The following ZNF701 variants were observed in gnomAD, a reference collection of about 807,000 sequenced individuals.
ZNF701 encodes zinc finger protein 701.
ZNF701 carries 6 observed loss-of-function variants against 7.1 expected under a neutral mutation model. That is an observed-to-expected ratio of 0.84 (90% confidence interval 0.46 to 1.66). The LOEUF is 1.66. ZNF701 is among the 40% of genes most tolerant of loss of function. ZNF701 has a pLI of 0.01. For synonymous variants in ZNF701, 166 were observed against 188.2 expected (o/e 0.88, Z 0.97); for missense variants, 541 against 559.2 (o/e 0.97, Z 0.33).
chr19:52,591,045 G>A (rs1368911820), downstream of ZNF701, among the ~76,000 whole-genome samples: 1 of 151,934 alleles, frequency 6.6e-6, no homozygotes, highest in Non-Finnish European at 1.5e-5. Flanking sequence ...TTACCATGTT[G>A]GCCAGGATGC....
At chr19:52,577,915 T>C (rs958945302) in intron 3 of ZNF701, among the ~76,000 whole-genome samples, 1 of 152,024 alleles carries the variant, frequency 6.6e-6, no homozygotes, top group Admixed American at 6.6e-5. Context: ...AAGTTCATAG[T>C]AGATAGCGGT....
At chr19:52,588,062 A>G (rs181428034), downstream of ZNF701, among the ~76,000 whole-genome samples, 259 of 152,326 alleles carry the variant, frequency 1.7e-3, no homozygotes, top group Non-Finnish European at 3.0e-3. Flanking sequence ...TTACCCTTGT[A>G]GGTCTTCCTG....
intron 3 of ZNF701, among the ~76,000 whole-genome samples, chr19:52,581,895 C>T (rs368683): frequency 0.27 from 41,497 of 151,966 alleles, 6,749 homozygotes; most frequent in African/African-American, 0.46. Flanking sequence ...AGTGATACGT[C>T]TTTTGCAAAG....
the ZNF701 span, chr19:52,596,974 A>G: frequency 1.2e-6 from 1 of 814,062 alleles, no homozygotes; most frequent in Non-Finnish European, 2.0e-6. Context: ...CTTTTTTATC[A>G]TCAAGCAATC....
At chr19:52,594,514 T>TTG in the ZNF701 span, among the ~76,000 whole-genome samples, 283 of 146,628 alleles carry the variant, frequency 1.9e-3, 3 homozygotes, top group Non-Finnish European at 2.0e-3. Flanking sequence ...TTTTTTTTGT[T>TTG]TTTTGTTTTT....
chr19:52,571,409 G>GAGGAGAC (rs1568499186), intron 1 of ZNF701, among the ~76,000 whole-genome samples: 2 of 152,028 alleles, frequency 1.3e-5, no homozygotes, highest in Admixed American at 6.6e-5. Context: ...CAGGGAGAGC[G>GAGGAGAC]GCAGAGATGC....
Position 52,583,093 on chromosome 19 carries a change from G to A in ZNF701, c.1034G>A (p.Arg345Lys). Residue 345 changes from arginine (R) to lysine (K), a missense_variant, in exon 4 of 4, where the codon AGG (arginine) becomes AAG (lysine). Physicochemically the swap from Arg to Lys is conservative, Grantham distance 26. Transcript: ENST00000391785. ...CGCAAATCACACCTTGAAAGACATA[G>A]GAGAATTCACACTGGAGAGAAACCA... is the stretch of plus-strand genomic sequence containing the variant. The part of the protein sequence containing the change: ...FSRKSHLERH[R>K]RIHTGEKPYK... 1 of 1,613,402 alleles carries A rather than the reference G, an allele frequency of 6.2e-7. No homozygotes were observed. Among genetic ancestry groups the A allele is most frequent in the Admixed American group, 1.7e-5 (1 of 59,934 alleles).
At position 52,579,711 on chromosome 19, in the gene ZNF701, T is replaced by G. The variant is rs1047386706; in HGVS notation, c.143-2491T>G. 6.5e-5 allele frequency among the ~76,000 whole-genome samples: 9 copies of G among 137,760 alleles called. 1 individual carries two copies. The highest frequency in any genetic ancestry group is 3.0e-4 in the African/African-American group (9 of 30,018). 90.4% of individuals were successfully genotyped at this position (137,760 alleles called of 152,430 possible). On this transcript the variant is annotated intron_variant, in intron 3 of 3. Coordinates refer to ENST00000391785, the MANE Select transcript of ZNF701 (RefSeq NM_018260.3). ...TAACATGGTGAAACTTCGTCTCTAG[T>G]AAAATTACAAAAATTATCCAGGCAC...
intron 3 of ZNF701, among the ~76,000 whole-genome samples, chr19:52,581,014 C>T (rs2059971785): frequency 6.6e-6 from 1 of 151,926 alleles, no homozygotes; most frequent in South Asian, 2.1e-4. Flanking sequence ...ATCCCAGCTA[C>T]TCAGGAGGCT....
chr19:52,574,427 A>G (rs1335840851), intron 2 of ZNF701, among the ~76,000 whole-genome samples: 40 of 152,094 alleles, frequency 2.6e-4, no homozygotes, highest in African/African-American at 2.4e-5. Context: ...AGGGTCCCGC[A>G]GTGTCAGTGC....
intron 1 of ZNF701, among the ~76,000 whole-genome samples, chr19:52,571,846 G>T (rs183612297): frequency 1.3e-5 from 2 of 151,284 alleles, no homozygotes; most frequent in Non-Finnish European, 2.9e-5. Flanking sequence ...TTTTTGAGAC[G>T]GAGTTTCGCT....
In ZNF701 at chr19:52,574,115, C is replaced by CGGAAGA. The variant is rs777034349; in HGVS notation, c.-22_-17dup. 1 of 1,611,956 alleles carries CGGAAGA rather than the reference C, an allele frequency of 6.2e-7. No individual in the cohort carries two copies. Among genetic ancestry groups the CGGAAGA allele is most frequent in the Non-Finnish European group, 8.5e-7 (1 of 1,179,296 alleles). On this transcript the variant is annotated 5_prime_UTR_variant, in exon 2 of 4. Coordinates refer to ENST00000391785, the MANE Select transcript of ZNF701 (RefSeq NM_018260.3). ...AGACTTGGTACGTGAGGAAAAAACACGGAAGAGGAAGAGGAAAGCAAAGGA... is the reference window on the plus strand; with the variant it reads ...AGACTTGGTACGTGAGGAAAAAACACGGAAGAGGAAGAGGAAGAGGAAAGCAAAGGA...
chr19:52,590,888 A>G (rs1319070517), downstream of ZNF701, among the ~76,000 whole-genome samples: 2 of 152,140 alleles, frequency 1.3e-5, no homozygotes, highest in African/African-American at 4.8e-5. Flanking sequence ...TCATCAGGCT[A>G]AAGTGCAGTG....
At chr19:52,597,019 G>A in the ZNF701 span, 2 of 1,226,888 alleles carry the variant, frequency 1.6e-6, no homozygotes, top group Admixed American at 3.6e-5. Flanking sequence ...TGTAATGATT[G>A]TCACAAAGTC....
rs1166242185 is a variant in ZNF701 at position 52,583,697 on chromosome 19, G to A, written c.*240G>A. The A allele has an allele frequency of 2.3e-6, 2 of 874,706 alleles. No individual in the cohort carries two copies. Among genetic ancestry groups the A allele is most frequent in the Non-Finnish European group, 3.9e-6 (2 of 516,602 alleles). 54.2% of individuals were successfully genotyped at this position (874,706 alleles called of 1,614,324 possible). Reference sequence around the variant, plus strand: ...AACATACTGGAATTCACACTGGAAAGGAACTGTACAAGTGTAATGAGTGTG... The same window carrying A: ...AACATACTGGAATTCACACTGGAAAAGAACTGTACAAGTGTAATGAGTGTG... On this transcript the variant is annotated 3_prime_UTR_variant, in exon 4 of 4. Transcript: ENST00000391785.
Position 52,584,899 on chromosome 19 carries a change from T to G in ZNF701, c.*1442T>G, listed in dbSNP as rs2059999489. 1 of 152,142 alleles carries G rather than the reference T, an allele frequency of 6.6e-6. No individual in the cohort carries two copies. The highest frequency in any genetic ancestry group is 6.6e-5 in the Admixed American group (1 of 15,260). The allele number at this position is 152,142 out of a possible 1,614,324, so 9.4% of individuals were successfully genotyped here. ...ACCTCCTCGGGGGTCTCCCCGCGGG[T>G]CTGGCTTCTGTACTGTGCTGATTGG... On this transcript the variant is annotated 3_prime_UTR_variant, in exon 4 of 4. Coordinates refer to ENST00000391785, the MANE Select transcript of ZNF701 (RefSeq NM_018260.3).
At chr19:52,579,817 T>C (rs982304635) in intron 3 of ZNF701, among the ~76,000 whole-genome samples, 5 of 140,756 alleles carry the variant, frequency 3.6e-5, no homozygotes, top group Non-Finnish European at 7.4e-5. Context: ...GAGGTTGCAG[T>C]GAGCTGAGAT....
intron 2 of ZNF701, among the ~76,000 whole-genome samples, chr19:52,575,019 T>G (rs149277166): frequency 0.032 from 4,825 of 152,192 alleles, 104 homozygotes; most frequent in Non-Finnish European, 0.049. Context: ...GCCCAGGCTG[T>G]AGTGCAGTGG....
chr19:52,587,620 A>T (rs2060019984), downstream of ZNF701, among the ~76,000 whole-genome samples: 1 of 152,094 alleles, frequency 6.6e-6, no homozygotes, highest in Non-Finnish European at 1.5e-5. Flanking sequence ...TGATTCTTTT[A>T]GCTCCTTCAC....
Sources: gnomAD v4.1 joint callset for allele counts (sites outside exome capture counted in the v4.1 genomes callset) on GRCh38, gnomAD v4.1.1 for gene constraint, MANE v1.5 for transcripts, NCBI Gene and HGNC (gene_info 2026-07-23, HGNC 2026-07-21) for gene names.